Variants in NECTIN3 observed in about 807,000 individuals in gnomAD.
NECTIN3 encodes nectin cell adhesion molecule 3.
A neutral mutation model predicts 49.4 loss-of-function variants in NECTIN3; 8 were observed. The ratio of observed to expected loss-of-function variants is 0.16; its 90% CI spans 0.10 to 0.29. The LOEUF is 0.29. NECTIN3 is among the 10% of genes least tolerant of loss of function. The pLI is 1.00. For missense variants in NECTIN3, 581 were observed against 654.6 expected (o/e 0.89, Z 1.23); for synonymous variants, 277 against 241.1 (o/e 1.15, Z -1.38).
downstream of NECTIN3, chr3:111,137,599 T>G (rs1377526932): frequency 1.5e-6 from 1 of 669,884 alleles, no homozygotes; most frequent in East Asian, 1.4e-4. Context: ...GTTACCATCT[T>G]TGTCCTCGTA....
intron 1 of NECTIN3, among the ~76,000 whole-genome samples, chr3:111,109,717 A>C (rs957233790): frequency 6.6e-6 from 1 of 151,838 alleles, no homozygotes; most frequent in Non-Finnish European, 1.5e-5. Flanking sequence ...CCAAACTTTT[A>C]TTATTTTTAC....
At chr3:111,167,757 T>C (rs1247400051) in intron 7 of NECTIN3, among the ~76,000 whole-genome samples, 1 of 152,172 alleles carries the variant, frequency 6.6e-6, no homozygotes, top group Non-Finnish European at 1.5e-5. Flanking sequence ...TATATACACA[T>C]CTGCTCCAGG....
At chr3:111,117,635 A>C (rs540285274) in intron 2 of NECTIN3, among the ~76,000 whole-genome samples, 2 of 152,236 alleles carry the variant, frequency 1.3e-5, no homozygotes, top group East Asian at 3.9e-4. Context: ...ATGAAACAAA[A>C]ATTGGTTCTT....
chr3:111,137,025 CCA>C lies in NECTIN3; in HGVS notation c.*2811_*2812del. ...CAGTAGTAAGTGTTGCTTCTAATAG[CCA>C]TATACAGGAAAGTTTTATAAGATAA... On this transcript the variant is annotated 3_prime_UTR_variant, in exon 6 of 6. Transcript: ENST00000485303. 1.0e-6 allele frequency: 1 copy of C among 975,806 alleles called. No homozygotes were observed. The highest frequency in any genetic ancestry group is 4.7e-5 in the South Asian group (1 of 21,102). 60.4% of individuals were successfully genotyped at this position (975,806 alleles called of 1,614,324 possible). A position where few individuals can be genotyped will look rare whatever the true frequency, so the allele number is the denominator to read the frequency against.
At chr3:111,145,112 C>T (rs2034843013) in intron 6 of NECTIN3, 2 of 1,424,580 alleles carry the variant, frequency 1.4e-6, no homozygotes, top group Non-Finnish European at 1.9e-6. Context: ...CTTTACAGCT[C>T]CTCATAAAGA....
intron 1 of NECTIN3, among the ~76,000 whole-genome samples, chr3:111,102,548 C>G (rs1559778661): frequency 6.6e-6 from 1 of 152,228 alleles, no homozygotes. Flanking sequence ...CAGCTGAAAG[C>G]TGGTTGATGC....
intron 1 of NECTIN3, chr3:111,193,374 G>A (rs1488885087): frequency 3.6e-5 from 55 of 1,531,546 alleles, no homozygotes; most frequent in Admixed American, 6.0e-5. Context: ...AGAACATTAT[G>A]TGTGATTTTT....
At chr3:111,084,441 G>A (rs557286473) in intron 1 of NECTIN3, among the ~76,000 whole-genome samples, 21 of 152,158 alleles carry the variant, frequency 1.4e-4, no homozygotes, top group Non-Finnish European at 2.6e-4. Context: ...TTGAGCACTA[G>A]GTCTACTAGA....
intron 5 of NECTIN3, among the ~76,000 whole-genome samples, chr3:111,144,722 AGAAG>A (rs2034832525): frequency 6.6e-6 from 1 of 152,122 alleles, no homozygotes; most frequent in East Asian, 1.9e-4. Context: ...AATATAAGAA[AGAAG>A]GAAGGGTTTT....
intron 1 of NECTIN3, among the ~76,000 whole-genome samples, chr3:111,093,357 A>G (rs948119909): frequency 6.6e-6 from 1 of 151,834 alleles, no homozygotes; most frequent in Non-Finnish European, 1.5e-5. Flanking sequence ...GTGTGACCAT[A>G]TTTTAAAGGT....
At position 111,118,936 on chromosome 3, in the gene NECTIN3, C is replaced by T. The variant is rs781620552; in HGVS notation, c.783C>T (p.Phe261=). The T allele has an allele frequency of 4.3e-6, 7 of 1,612,698 alleles. No homozygotes were observed. In the African/African-American group the frequency reaches 5.3e-5, roughly 12 times the overall value. Residue 261 remains phenylalanine (F), a synonymous_variant, in exon 3 of 6, where the codon TTC becomes TTT. Transcript: ENST00000485303. ...TGGAAAAGGACATCCGATACTCTTT[C>T]ATATTAGACATACAGTGTAAGTAAA... The part of the protein sequence containing the change: ...PALEKDIRYS[F]ILDIQYAPEV...
Position 111,136,073 on chromosome 3 carries a change from T to G in NECTIN3, c.*1858T>G, listed in dbSNP as rs1466450989. ...GATTGATGTGACTTTATTTTTAATTTAAACGATGAGGTGGCCAGAAGAAAG... is the reference window on the plus strand; with the variant it reads ...GATTGATGTGACTTTATTTTTAATTGAAACGATGAGGTGGCCAGAAGAAAG... On this transcript the variant is annotated 3_prime_UTR_variant, in exon 6 of 6. Coordinates refer to ENST00000485303, the MANE Select transcript of NECTIN3 (RefSeq NM_015480.3). 5.1e-6 allele frequency: 5 copies of G among 982,624 alleles called. No homozygotes were observed. Among genetic ancestry groups the G allele is most frequent in the Admixed American group, 6.2e-5 (1 of 16,096 alleles). The allele number at this position is 982,624 out of a possible 1,614,324, so 60.9% of individuals were successfully genotyped here.
chr3:111,093,696 A>G (rs768120168), intron 1 of NECTIN3, among the ~76,000 whole-genome samples: 1 of 152,158 alleles, frequency 6.6e-6, no homozygotes, highest in Non-Finnish European at 1.5e-5. Context: ...TGAGCCTCCC[A>G]AAGTGCTGGG....
chr3:111,178,489 GTA>G (rs1294405772), intron 7 of NECTIN3, among the ~76,000 whole-genome samples: 2 of 152,206 alleles, frequency 1.3e-5, no homozygotes. Flanking sequence ...AATGACCACT[GTA>G]TGTTCAGCCC....
At chr3:111,146,985 C>T (rs1391217673) in intron 6 of NECTIN3, among the ~76,000 whole-genome samples, 1 of 152,028 alleles carries the variant, frequency 6.6e-6, no homozygotes, top group Admixed American at 6.6e-5. Flanking sequence ...GTGACTAGAG[C>T]TTTTGAAAAT....
At chr3:111,171,575 C>A (rs2035433231) in intron 7 of NECTIN3, among the ~76,000 whole-genome samples, 1 of 152,152 alleles carries the variant, frequency 6.6e-6, no homozygotes, top group Admixed American at 6.5e-5. Flanking sequence ...ATTTAATATA[C>A]CATCATTTCC....
At chr3:111,072,734 G>C (rs2030877603) in intron 1 of NECTIN3, 1 of 711,190 alleles carries the variant, frequency 1.4e-6, no homozygotes, top group East Asian at 2.9e-5. Context: ...GCTCTGCCCT[G>C]ACAGCTTCTG....
chr3:111,088,174 A>G (rs1180366210), intron 1 of NECTIN3, among the ~76,000 whole-genome samples: 3 of 152,058 alleles, frequency 2.0e-5, no homozygotes, highest in South Asian at 2.1e-4. Flanking sequence ...GTAGAGGGAG[A>G]AGAGTGAGTT....
At chr3:111,113,425 A>G (rs565172709) in intron 2 of NECTIN3, among the ~76,000 whole-genome samples, 1 of 152,266 alleles carries the variant, frequency 6.6e-6, no homozygotes, top group East Asian at 1.9e-4. Flanking sequence ...GGAGAACCAA[A>G]CAAGTTAATA....
Sources: gnomAD v4.1 joint callset for allele counts (sites outside exome capture counted in the v4.1 genomes callset) on GRCh38, gnomAD v4.1.1 for gene constraint, MANE v1.5 for transcripts, NCBI Gene and HGNC (gene_info 2026-07-23, HGNC 2026-07-21) for gene names.